Variants in SCPPPQ1 observed in about 807,000 individuals in gnomAD.
SCPPPQ1 encodes the protein secretory calcium-binding phosphoprotein proline- and glutamine-rich 1.
chr4:87,466,061 A>G, the SCPPPQ1 span, among the ~76,000 whole-genome samples: 64 of 152,332 alleles, frequency 4.2e-4, no homozygotes, highest in African/African-American at 1.4e-3. Context: ...AGTTCTAATT[A>G]TAAACCAAGA....
At chr4:87,466,457 A>C in the SCPPPQ1 span, among the ~76,000 whole-genome samples, 1 of 152,206 alleles carries the variant, frequency 6.6e-6, no homozygotes, top group Non-Finnish European at 1.5e-5. Context: ...CAAAATAATT[A>C]GCAATTAATT....
chr4:87,461,976 C>A, the SCPPPQ1 span: 1 of 152,130 alleles, frequency 6.6e-6, no homozygotes, highest in South Asian at 2.1e-4. Context: ...CCATACGTAA[C>A]TTCTGGCATA....
the SCPPPQ1 span, chr4:87,462,137 A>G: frequency 3.3e-5 from 5 of 152,300 alleles, no homozygotes; most frequent in African/African-American, 1.2e-4. Flanking sequence ...ATAATCATGT[A>G]TGTTGGAGGT....
the SCPPPQ1 span, chr4:87,462,064 A>G: frequency 6.6e-6 from 1 of 152,360 alleles, no homozygotes; most frequent in East Asian, 1.9e-4. Flanking sequence ...TTTCACCACA[A>G]TTCCTTCTTC....
chr4:87,466,052 G>A, the SCPPPQ1 span, among the ~76,000 whole-genome samples: 3 of 152,218 alleles, frequency 2.0e-5, no homozygotes, highest in Admixed American at 6.5e-5. Flanking sequence ...CGATTCCTAA[G>A]TTCTAATTAT....
At chr4:87,462,178 T>G in the SCPPPQ1 span, 9 of 152,226 alleles carry the variant, frequency 5.9e-5, no homozygotes, top group Admixed American at 5.9e-4. Flanking sequence ...TAAATGCTGA[T>G]AAATTGAATC....
the SCPPPQ1 span, among the ~76,000 whole-genome samples, chr4:87,466,544 A>G: frequency 0.28 from 42,169 of 152,046 alleles, 7,154 homozygotes; most frequent in East Asian, 0.41. Flanking sequence ...AGGAGAAGAA[A>G]TGTTCTATTG....
chr4:87,466,116 G>A, the SCPPPQ1 span, among the ~76,000 whole-genome samples: 4 of 152,194 alleles, frequency 2.6e-5, no homozygotes, highest in Admixed American at 2.0e-4. Flanking sequence ...GCCAGGGCAC[G>A]GTCGCTCATG....
the SCPPPQ1 span, chr4:87,462,041 TA>T: frequency 1.3e-5 from 2 of 152,210 alleles, no homozygotes; most frequent in East Asian, 3.8e-4. Context: ...AGTTATAATT[TA>T]TATGAAGATA....
the SCPPPQ1 span, among the ~76,000 whole-genome samples, chr4:87,470,088 G>A: frequency 6.6e-6 from 1 of 151,758 alleles, no homozygotes; most frequent in African/African-American, 2.4e-5. Flanking sequence ...CAAGGAGCTA[G>A]GACTACAGGT....
chr4:87,460,960 A>G, the SCPPPQ1 span: 1 of 152,640 alleles, frequency 6.6e-6, no homozygotes, highest in Non-Finnish European at 1.5e-5. Context: ...TACTCTTCTG[A>G]TAACTGTAAA....
chr4:87,469,036 T>G, the SCPPPQ1 span, among the ~76,000 whole-genome samples: 1 of 152,234 alleles, frequency 6.6e-6, no homozygotes, highest in Admixed American at 6.5e-5. Flanking sequence ...TATTCATAAT[T>G]TAGTAATCAA....
chr4:87,462,504 T>A, the SCPPPQ1 span, among the ~76,000 whole-genome samples: 2 of 151,902 alleles, frequency 1.3e-5, no homozygotes, highest in African/African-American at 4.8e-5. Flanking sequence ...TTTCTTTCTT[T>A]TTTTTGGTAT....
the SCPPPQ1 span, among the ~76,000 whole-genome samples, chr4:87,462,595 C>G: frequency 6.6e-6 from 1 of 152,084 alleles, no homozygotes; most frequent in African/African-American, 2.4e-5. Flanking sequence ...CAAGTTAATG[C>G]TTTTTGTTAA....
the SCPPPQ1 span, among the ~76,000 whole-genome samples, chr4:87,465,524 G>A: frequency 7.5e-6 from 1 of 132,950 alleles, no homozygotes; most frequent in Non-Finnish European, 1.5e-5. Context: ...CACCTGATTT[G>A]GATTGTAAGG....
At chr4:87,467,747 A>G in the SCPPPQ1 span, among the ~76,000 whole-genome samples, 2 of 149,602 alleles carry the variant, frequency 1.3e-5, no homozygotes, top group African/African-American at 4.9e-5. Flanking sequence ...GGAAAGTTTC[A>G]TAACCACCAT....
chr4:87,462,357 A>T, the SCPPPQ1 span: 5 of 152,234 alleles, frequency 3.3e-5, no homozygotes, highest in Non-Finnish European at 7.3e-5. Flanking sequence ...TAGTACATAC[A>T]CTATGATTGG....
the SCPPPQ1 span, among the ~76,000 whole-genome samples, chr4:87,470,891 T>C: frequency 6.6e-6 from 1 of 152,194 alleles, no homozygotes; most frequent in Non-Finnish European, 1.5e-5. Flanking sequence ...AAACACTAAT[T>C]TCTTTCTTCT....
At chr4:87,463,542 C>T in the SCPPPQ1 span, among the ~76,000 whole-genome samples, 2 of 151,876 alleles carry the variant, frequency 1.3e-5, no homozygotes, top group Non-Finnish European at 2.9e-5. Flanking sequence ...ACTTTGTATA[C>T]AAAAATCTAT....
Sources: gnomAD v4.1 joint callset for allele counts (sites outside exome capture counted in the v4.1 genomes callset) on GRCh38, gnomAD v4.1.1 for gene constraint, MANE v1.5 for transcripts, NCBI Gene and HGNC (gene_info 2026-07-23, HGNC 2026-07-21) for gene names.